The following COP1 variants were observed in gnomAD, a reference collection of about 807,000 sequenced individuals.
COP1 encodes E3 ubiquitin-protein ligase COP1.
In COP1, 24 loss-of-function variants were observed where a neutral mutation model predicts 101.3. The observed-to-expected ratio is 0.24, with a 90% CI of 0.17 to 0.33. The LOEUF (loss-of-function observed/expected upper bound fraction) is 0.33. Among genes scored for constraint, COP1 ranks in the 10% least tolerant of loss-of-function variants. The pLI is 1.00. For missense variants in COP1, 663 were observed against 906.2 expected (o/e 0.73, Z 3.45); for synonymous variants, 347 against 341.9 (o/e 1.01, Z -0.17).
chr1:176,109,573 T>G (rs955693229), intron 9 of COP1, among the ~76,000 whole-genome samples: 1 of 152,212 alleles, frequency 6.6e-6, no homozygotes, highest in South Asian at 2.1e-4. Context: ...CAATGTTAAT[T>G]GGCCACATTC....
At chr1:176,115,015 A>G (rs1023741542) in intron 9 of COP1, among the ~76,000 whole-genome samples, 1 of 152,240 alleles carries the variant, frequency 6.6e-6, no homozygotes, top group African/African-American at 2.4e-5. Context: ...TATATAGGTA[A>G]AAGAAAGGCT....
At chr1:176,110,646 C>CA (rs981716675) in intron 9 of COP1, among the ~76,000 whole-genome samples, 4 of 151,622 alleles carry the variant, frequency 2.6e-5, no homozygotes, top group African/African-American at 4.8e-5. Flanking sequence ...ATGTTTAAAA[C>CA]AAAAAACAAA....
intron 9 of COP1, among the ~76,000 whole-genome samples, chr1:176,098,803 G>A (rs1444422297): frequency 6.6e-6 from 1 of 152,084 alleles, no homozygotes; most frequent in East Asian, 1.9e-4. Context: ...ATATTTAACA[G>A]GCTTCCCAAA....
intron 5 of COP1, among the ~76,000 whole-genome samples, chr1:176,151,908 T>C (rs1197165887): frequency 6.6e-6 from 1 of 152,016 alleles, no homozygotes; most frequent in Non-Finnish European, 1.5e-5. Context: ...CAGTTCACTC[T>C]ACAACAGTTG....
intron 9 of COP1, among the ~76,000 whole-genome samples, chr1:176,106,989 C>G (rs1487702288): frequency 1.3e-5 from 2 of 152,080 alleles, no homozygotes; most frequent in Non-Finnish European, 2.9e-5. Flanking sequence ...CCGGTGCAAC[C>G]TAGCAGTGGA....
At chr1:176,039,470 A>AG (rs1317176484) in intron 14 of COP1, among the ~76,000 whole-genome samples, 2 of 152,122 alleles carry the variant, frequency 1.3e-5, no homozygotes, top group African/African-American at 4.8e-5. Flanking sequence ...AATGAAAACA[A>AG]GAAACCACAT....
At chr1:176,047,201 G>C (rs939015960) in intron 11 of COP1, among the ~76,000 whole-genome samples, 1 of 152,064 alleles carries the variant, frequency 6.6e-6, no homozygotes, top group African/African-American at 2.4e-5. Flanking sequence ...CTTTTCTAGA[G>C]GTTTAGCGAT....
intron 15 of COP1, among the ~76,000 whole-genome samples, chr1:175,993,791 G>T (rs1659341402): frequency 6.6e-6 from 1 of 152,196 alleles, no homozygotes; most frequent in Non-Finnish European, 1.5e-5. Flanking sequence ...AAGTGATGGG[G>T]AGAATGGAAC....
chr1:176,005,866 C>T (rs1401312596), intron 15 of COP1, among the ~76,000 whole-genome samples: 48 of 152,030 alleles, frequency 3.2e-4, no homozygotes, highest in African/African-American at 9.2e-4. Context: ...CTATTAGGTC[C>T]GCTTGGTGCA....
intron 11 of COP1, among the ~76,000 whole-genome samples, chr1:176,072,085 G>A (rs1677108446): frequency 6.6e-6 from 1 of 152,124 alleles, no homozygotes; most frequent in Non-Finnish European, 1.5e-5. Context: ...AATTACCATA[G>A]AAGTAGAAAA....
At chr1:176,099,712 A>G (rs1454555503) in intron 9 of COP1, among the ~76,000 whole-genome samples, 1 of 152,210 alleles carries the variant, frequency 6.6e-6, no homozygotes, top group Non-Finnish European at 1.5e-5. Flanking sequence ...TTAAGGAGTC[A>G]AGCTCGACTT....
At chr1:176,155,775 C>T (rs1572572969) in intron 5 of COP1, among the ~76,000 whole-genome samples, 2 of 152,038 alleles carry the variant, frequency 1.3e-5, no homozygotes, top group East Asian at 1.9e-4. Flanking sequence ...GAGAGAAAAA[C>T]GATATACTAG....
At chr1:176,042,653 C>T (rs945866489) in intron 14 of COP1, among the ~76,000 whole-genome samples, 12 of 143,756 alleles carry the variant, frequency 8.3e-5, no homozygotes, top group Non-Finnish European at 1.5e-4. Context: ...ATTGCTTGAA[C>T]GCAGGAGGTG....
intron 15 of COP1, among the ~76,000 whole-genome samples, chr1:175,993,016 C>T (rs1278544422): frequency 6.6e-6 from 1 of 152,176 alleles, no homozygotes; most frequent in African/African-American, 2.4e-5. Context: ...ACTGACACCT[C>T]ACACCGCCGG....
chr1:176,076,231 G>A (rs1677980029), intron 11 of COP1, among the ~76,000 whole-genome samples: 1 of 151,962 alleles, frequency 6.6e-6, no homozygotes, highest in Non-Finnish European at 1.5e-5. Flanking sequence ...CATAAAGCAA[G>A]TCTCAATAAA....
At chr1:176,099,150 A>G (rs1682936308) in intron 9 of COP1, among the ~76,000 whole-genome samples, 1 of 152,162 alleles carries the variant, frequency 6.6e-6, no homozygotes, top group South Asian at 2.1e-4. Context: ...TTATTCACAG[A>G]CAATTGCTGT....
At chr1:176,190,504 G>A (rs1051002020) in intron 1 of COP1, among the ~76,000 whole-genome samples, 1 of 143,716 alleles carries the variant, frequency 7.0e-6, no homozygotes, top group Non-Finnish European at 1.5e-5. Flanking sequence ...CTTGCCAAAA[G>A]ATAATGTATG....
intron 5 of COP1, among the ~76,000 whole-genome samples, chr1:176,161,531 G>C (rs1694322475): frequency 6.6e-6 from 1 of 152,144 alleles, no homozygotes. Context: ...CCAGGGGGTA[G>C]AGGATGCAGT....
chr1:175,986,908 G>A (rs1198659384), intron 18 of COP1, 35 bp downstream of exon 18: 2 of 1,487,754 alleles, frequency 1.3e-6, no homozygotes, highest in East Asian at 2.3e-5. Flanking sequence ...CATAATATGA[G>A]ATCCCAAGGT....
Sources: gnomAD v4.1 joint callset for allele counts (sites outside exome capture counted in the v4.1 genomes callset) on GRCh38, gnomAD v4.1.1 for gene constraint, MANE v1.5 for transcripts, NCBI Gene and HGNC (gene_info 2026-07-23, HGNC 2026-07-21) for gene names.